Variants in LRRC49 observed in about 807,000 individuals in gnomAD.
LRRC49 encodes the protein leucine rich repeat containing 49.
A neutral mutation model predicts 83.3 loss-of-function variants in LRRC49; 50 were observed. The observed-to-expected ratio is 0.60, with a 90% CI of 0.48 to 0.76. The LOEUF (loss-of-function observed/expected upper bound fraction) is 0.76. Ranked by LOEUF, LRRC49 falls within the 30% of genes least tolerant of loss-of-function variation. The pLI, the probability that LRRC49 is intolerant of heterozygous loss-of-function variation, is 0.00. For synonymous variants in LRRC49, 286 were observed against 283.3 expected (o/e 1.01, Z -0.10); for missense variants, 704 against 809.1 (o/e 0.87, Z 1.58).
intron 8 of LRRC49, among the ~76,000 whole-genome samples, chr15:70,955,965 C>A (rs2036386460): frequency 1.3e-5 from 2 of 152,138 alleles, no homozygotes; most frequent in Non-Finnish European, 2.9e-5. Flanking sequence ...TTCACTTCAG[C>A]CCTCTAGGCA....
At chr15:71,008,091 G>T (rs534856702) in intron 11 of LRRC49, among the ~76,000 whole-genome samples, 2 of 151,842 alleles carry the variant, frequency 1.3e-5, no homozygotes, top group South Asian at 4.2e-4. Flanking sequence ...GTAGTAAACG[G>T]CTTGTTTTAA....
chr15:70,949,320 A>G (rs1029774209), intron 8 of LRRC49, among the ~76,000 whole-genome samples: 2 of 152,214 alleles, frequency 1.3e-5, no homozygotes, highest in African/African-American at 4.8e-5. Flanking sequence ...AAAGGAGCTG[A>G]AAAGCTCCTG....
upstream of LRRC49, chr15:70,892,203 GA>G (rs745404163): frequency 2.8e-5 from 45 of 1,605,466 alleles, no homozygotes; most frequent in South Asian, 4.7e-4. Context: ...CGGTCCTTGG[GA>G]AAGCGGAACA....
At chr15:70,936,673 G>T in intron 7 of LRRC49, 88 bp from the exon 8 acceptor site, 1 of 795,292 alleles carries the variant, frequency 1.3e-6, no homozygotes, top group South Asian at 1.5e-5. Flanking sequence ...AAATAGAAAT[G>T]ATTATATATT....
At chr15:70,858,583 G>A (rs2032707716) in intron 1 of LRRC49, 3 of 463,530 alleles carry the variant, frequency 6.5e-6, no homozygotes, top group South Asian at 5.2e-5. Context: ...CTGCCTGGGC[G>A]ACAGAGCGAG....
At chr15:70,869,776 C>G (rs543370905) in intron 1 of LRRC49, among the ~76,000 whole-genome samples, 50 of 152,176 alleles carry the variant, frequency 3.3e-4, no homozygotes, top group Non-Finnish European at 6.5e-4. Context: ...CAATATTCTC[C>G]CTTTTTGCCT....
chr15:70,942,131 G>A (rs1461570055), intron 8 of LRRC49, among the ~76,000 whole-genome samples: 1 of 151,650 alleles, frequency 6.6e-6, no homozygotes, highest in Non-Finnish European at 1.5e-5. Context: ...ATTAAACTAA[G>A]GCCTGGGAGC....
intron 15 of LRRC49, among the ~76,000 whole-genome samples, chr15:71,039,921 A>G (rs2039646304): frequency 6.6e-6 from 1 of 152,254 alleles, no homozygotes; most frequent in South Asian, 2.1e-4. Context: ...CATGTTTTCA[A>G]TACAGACAGC....
rs1462768803 is a variant in LRRC49 at position 70,871,163 on chromosome 15, G to A, written c.-298-1745G>A. On this transcript the variant is annotated intron_variant, in intron 1 of 16. Transcript: ENST00000544974. ...AGGGAGTGGTGATGACTCTTAACGA[G>A]TATGCTGCCTTCAAGCATCTGTTTA... Among the ~76,000 whole-genome samples, 2 of 151,704 alleles carry A rather than the reference G, an allele frequency of 1.3e-5. 1 individual carries two copies. The highest frequency in any genetic ancestry group is 1.3e-4 in the Admixed American group (2 of 15,236).
intron 6 of LRRC49, among the ~76,000 whole-genome samples, chr15:70,915,359 T>C (rs1458199687): frequency 6.6e-6 from 1 of 152,136 alleles, no homozygotes; most frequent in Non-Finnish European, 1.5e-5. Context: ...TGTGGAAGGG[T>C]AGTTTTCTAA....
intron 8 of LRRC49, among the ~76,000 whole-genome samples, chr15:70,948,672 C>T (rs973011039): frequency 1.3e-5 from 2 of 152,106 alleles, no homozygotes; most frequent in African/African-American, 2.4e-5. Context: ...GTTCCAGGCT[C>T]ATCTTATACT....
intron 7 of LRRC49, among the ~76,000 whole-genome samples, chr15:70,933,546 G>A (rs2035490772): frequency 1.3e-5 from 2 of 152,082 alleles, no homozygotes; most frequent in African/African-American, 4.8e-5. Flanking sequence ...CACTTTCCCT[G>A]TCATTCCGAA....
chr15:70,944,401 T>C (rs1244322002), intron 8 of LRRC49, among the ~76,000 whole-genome samples: 2 of 152,160 alleles, frequency 1.3e-5, no homozygotes, highest in Admixed American at 1.3e-4. Context: ...AATTTCCATA[T>C]TGCTCTTTTT....
intron 1 of LRRC49, among the ~76,000 whole-genome samples, chr15:70,869,736 A>G (rs532543158): frequency 6.6e-6 from 1 of 152,228 alleles, no homozygotes; most frequent in South Asian, 2.1e-4. Flanking sequence ...TAAATATTAA[A>G]CTGTAATACC....
chr15:70,974,059 G>A (rs2037113633), intron 9 of LRRC49, among the ~76,000 whole-genome samples: 1 of 152,054 alleles, frequency 6.6e-6, no homozygotes, highest in Non-Finnish European at 1.5e-5. Context: ...CCAGGGAGTT[G>A]GAGGTTGCGG....
At chr15:70,882,840 T>A (rs574456869) in intron 2 of LRRC49, 1 of 1,614,154 alleles carries the variant, frequency 6.2e-7, no homozygotes, top group Non-Finnish European at 8.5e-7. Flanking sequence ...GAGTAGGTAC[T>A]GAAGTGACAG....
At chr15:70,882,873 G>A (rs1163865180) in intron 2 of LRRC49, 2 of 1,613,992 alleles carry the variant, frequency 1.2e-6, no homozygotes, top group Non-Finnish European at 1.7e-6. Context: ...TATCAGCATG[G>A]GGTTGGGTTT....
chr15:70,892,374 T>C, upstream of LRRC49: 1 of 1,546,798 alleles, frequency 6.5e-7, no homozygotes, highest in Non-Finnish European at 8.7e-7. Context: ...CCTCCTCACC[T>C]GTCCACTCCG....
chr15:70,858,835 G>T, intron 1 of LRRC49: 2 of 785,076 alleles, frequency 2.5e-6, no homozygotes, highest in African/African-American at 1.7e-5. Flanking sequence ...CTCCCGAGTG[G>T]GCAGCAGCAG....
Sources: allele counts gnomAD v4.1 joint callset (sites outside exome capture counted in the v4.1 genomes callset), GRCh38; gene constraint gnomAD v4.1.1; transcripts MANE v1.5; gene names NCBI Gene and HGNC (gene_info 2026-07-23, HGNC 2026-07-21).